The following SPATA16 variants were observed in gnomAD, a reference collection of about 807,000 sequenced individuals.
SPATA16 encodes spermatogenesis-associated protein 16.
Under a neutral mutation model 63.3 loss-of-function variants are expected in SPATA16, and 36 were observed. The ratio of observed to expected loss-of-function variants is 0.57; its 90% CI spans 0.44 to 0.75. SPATA16 has a LOEUF of 0.75. Among genes scored for constraint, SPATA16 ranks in the 30% least tolerant of loss-of-function variants. The probability of loss-of-function intolerance (pLI) is 0.00; values close to 1 mark genes in which losing one functional copy is unlikely to be tolerated. For missense variants in SPATA16, 646 were observed against 679.3 expected, an observed-to-expected ratio of 0.95 and a Z score of 0.54; for synonymous variants, 203 against 216.7, an observed-to-expected ratio of 0.94 and a Z score of 0.56.
intron 5 of SPATA16, among the ~76,000 whole-genome samples, chr3:172,962,833 AT>A (rs1465843311): frequency 6.6e-6 from 1 of 152,130 alleles, no homozygotes; most frequent in Non-Finnish European, 1.5e-5. Context: ...TAATAATGCA[AT>A]TTTAAATGAT....
intron 2 of SPATA16, among the ~76,000 whole-genome samples, chr3:173,100,211 A>G (rs907891816): frequency 6.6e-6 from 1 of 152,164 alleles, no homozygotes; most frequent in Admixed American, 6.5e-5. Flanking sequence ...TGTTGCCTCA[A>G]ATATCACAGC....
intron 3 of SPATA16, among the ~76,000 whole-genome samples, chr3:173,028,067 C>CTTCA (rs1393231875): frequency 9.6e-6 from 1 of 104,418 alleles, no homozygotes; most frequent in Non-Finnish European, 1.9e-5. Flanking sequence ...TCCTTCCTTC[C>CTTCA]TTCCTTCCTT....
intron 3 of SPATA16, among the ~76,000 whole-genome samples, chr3:173,045,388 T>C (rs1735933331): frequency 6.6e-6 from 1 of 152,166 alleles, no homozygotes; most frequent in Admixed American, 6.6e-5. Flanking sequence ...CTGACCATTG[T>C]CCAAGGCCTG....
intron 10 of SPATA16, among the ~76,000 whole-genome samples, chr3:172,895,779 T>A (rs1327111309): frequency 6.6e-6 from 1 of 152,252 alleles, no homozygotes; most frequent in Non-Finnish European, 1.5e-5. Context: ...TAATATTCCA[T>A]GGTATGAATT....
intron 1 of SPATA16, among the ~76,000 whole-genome samples, chr3:173,122,904 TG>T (rs1195313398): frequency 3.9e-5 from 6 of 152,218 alleles, no homozygotes; most frequent in African/African-American, 1.2e-4. Context: ...AATGTACATT[TG>T]TTATTAGAAG....
At chr3:172,989,268 G>GT (rs1271947683) in intron 4 of SPATA16, among the ~76,000 whole-genome samples, 1 of 152,072 alleles carries the variant, frequency 6.6e-6, no homozygotes, top group Non-Finnish European at 1.5e-5. Flanking sequence ...AGATAAGTAG[G>GT]TAATTTCAGG....
rs145513779 is a variant in SPATA16, at chr3:172,969,429, T to C, written c.933+7539A>G. Among the ~76,000 whole-genome samples, 13 of 152,278 alleles carry C rather than the reference T, an allele frequency of 8.5e-5. No individual in the cohort carries two copies. In the East Asian group the frequency reaches 2.3e-3, roughly 27 times the overall value. On this transcript the variant is annotated intron_variant, in intron 5 of 10. Coordinates refer to ENST00000351008, the MANE Select transcript of SPATA16 (RefSeq NM_031955.6). The stretch of plus-strand genomic sequence containing the variant: ...ATGGTGGGCTAAGTTGGTCACTAAC[T>C]TAAAAATTGGAAATAGCTTTTGAGA...
rs1295319115 is a variant in SPATA16, at chr3:173,093,077, A to G, written c.612+24043T>C. Among the ~76,000 whole-genome samples the G allele has an allele frequency of 1.7e-4, 19 of 112,994 alleles. No homozygotes were observed. In the South Asian group the frequency reaches 2.4e-3, roughly 14 times the overall value. The allele number at this position is 112,994 out of a possible 152,430, so 74.1% of individuals were successfully genotyped here. A position where few individuals can be genotyped will look rare whatever the true frequency, so the allele number is the denominator to read the frequency against. ...CACACACACACACACACACACACACATATATATATATATGTTTCAAGTTAT... is the reference window on the plus strand; with the variant it reads ...CACACACACACACACACACACACACGTATATATATATATGTTTCAAGTTAT... On this transcript the variant is annotated intron_variant, in intron 2 of 10. Transcript: ENST00000351008.
chr3:172,910,824 T>C (rs1202019272), intron 10 of SPATA16, among the ~76,000 whole-genome samples: 1 of 152,252 alleles, frequency 6.6e-6, no homozygotes, highest in Non-Finnish European at 1.5e-5. Context: ...TGCCAATGAC[T>C]AAGAAATATC....
chr3:172,952,044 C>T (rs1440450989), intron 6 of SPATA16, among the ~76,000 whole-genome samples: 2 of 152,096 alleles, frequency 1.3e-5, no homozygotes, highest in Non-Finnish European at 2.9e-5. Flanking sequence ...TCTCTTGGAG[C>T]ATCAGTGTCT....
At chr3:173,093,626 A>G (rs1021505337) in intron 2 of SPATA16, among the ~76,000 whole-genome samples, 5 of 152,176 alleles carry the variant, frequency 3.3e-5, no homozygotes, top group African/African-American at 1.2e-4. Flanking sequence ...TCATCATGCA[A>G]ACACCCCAAG....
chr3:172,967,992 A>G (rs1733957582), intron 5 of SPATA16, among the ~76,000 whole-genome samples: 1 of 152,164 alleles, frequency 6.6e-6, no homozygotes, highest in African/African-American at 2.4e-5. Context: ...CCCCCACCCT[A>G]GTTTATGGAA....
chr3:172,951,509 A>T (rs1286530225), intron 6 of SPATA16, among the ~76,000 whole-genome samples: 1 of 151,608 alleles, frequency 6.6e-6, no homozygotes, highest in Non-Finnish European at 1.5e-5. Flanking sequence ...AAAAAAAAAA[A>T]TTTAAACCTA....
chr3:172,915,736 G>T (rs1366279747), intron 9 of SPATA16, among the ~76,000 whole-genome samples: 3 of 152,132 alleles, frequency 2.0e-5, no homozygotes, highest in Non-Finnish European at 4.4e-5. Flanking sequence ...TGTGGCTAAA[G>T]TGTCTGGTTT....
At chr3:173,045,350 T>G (rs1406566029) in intron 3 of SPATA16, among the ~76,000 whole-genome samples, 1 of 152,142 alleles carries the variant, frequency 6.6e-6, no homozygotes, top group Admixed American at 6.6e-5. Context: ...CTGTGTATTT[T>G]CCTTCTTTCA....
At chr3:172,966,081 G>A (rs1733913774) in intron 5 of SPATA16, among the ~76,000 whole-genome samples, 1 of 152,016 alleles carries the variant, frequency 6.6e-6, no homozygotes, top group South Asian at 2.1e-4. Flanking sequence ...GAAATGCAAT[G>A]GACTTGTCAA....
chr3:173,117,098 T>C (rs1359237799), intron 2 of SPATA16, 22 bp downstream of exon 2: 1 of 1,610,700 alleles, frequency 6.2e-7, no homozygotes, highest in Non-Finnish European at 8.5e-7. Flanking sequence ...GTCACCAATC[T>C]ATATTTTCTT....
At chr3:172,947,776 C>T (rs371788221) in intron 6 of SPATA16, among the ~76,000 whole-genome samples, 12 of 151,770 alleles carry the variant, frequency 7.9e-5, no homozygotes, top group Non-Finnish European at 1.5e-4. Flanking sequence ...CGGGGCCTGT[C>T]GGGGAGTGAG....
chr3:172,961,483 C>G (rs1422988988), intron 5 of SPATA16, among the ~76,000 whole-genome samples: 2 of 151,184 alleles, frequency 1.3e-5, no homozygotes, highest in African/African-American at 4.9e-5. Flanking sequence ...CAACCTCCCA[C>G]TCTGGGGTTC....
Sources: allele counts gnomAD v4.1 joint callset (sites outside exome capture counted in the v4.1 genomes callset), GRCh38; gene constraint gnomAD v4.1.1; transcripts MANE v1.5; gene names NCBI Gene and HGNC (gene_info 2026-07-23, HGNC 2026-07-21).